The following P3H2 variants were observed in gnomAD, a reference collection of about 807,000 sequenced individuals.
P3H2 encodes the protein leprecan-like 1.
Under a neutral mutation model 87.0 loss-of-function variants are expected in P3H2, and 80 were observed. That is an observed-to-expected ratio of 0.92 (90% confidence interval 0.77 to 1.11). P3H2 has a LOEUF of 1.11. Ranked by LOEUF, P3H2 falls within the 50% of genes least tolerant of loss-of-function variation. The probability of loss-of-function intolerance (pLI) is 0.00; values close to 1 mark genes in which losing one functional copy is unlikely to be tolerated. For synonymous variants in P3H2, 367 were observed against 359.3 expected (o/e 1.02, Z -0.24); for missense variants, 1,001 against 923.9 (o/e 1.08, Z -1.08).
At chr3:189,965,815 G>A (rs557559020) in intron 13 of P3H2, among the ~76,000 whole-genome samples, 2 of 151,764 alleles carry the variant, frequency 1.3e-5, no homozygotes, top group Admixed American at 6.6e-5. Context: ...GTGAAACCCC[G>A]TCTCTACTAA....
intron 1 of P3H2, among the ~76,000 whole-genome samples, chr3:190,033,360 T>C (rs907867055): frequency 6.6e-5 from 10 of 152,220 alleles, no homozygotes; most frequent in African/African-American, 2.2e-4. Context: ...CCAGAATATA[T>C]ACCTTTATTA....
chr3:189,969,941 G>T, intron 13 of P3H2: 1 of 732,346 alleles, frequency 1.4e-6, no homozygotes, highest in Non-Finnish European at 2.5e-6. Flanking sequence ...GGCAGCAGTC[G>T]AAAATATATT....
chr3:189,991,456 C>T (rs916605302), intron 3 of P3H2, among the ~76,000 whole-genome samples: 1 of 152,056 alleles, frequency 6.6e-6, no homozygotes, highest in Non-Finnish European at 1.5e-5. Flanking sequence ...CATTTTAATC[C>T]CTGCTATGAG....
At chr3:189,966,143 GAAAGAAAGAAAGAAAGAAAGAA>G (rs1722993380) in intron 13 of P3H2, among the ~76,000 whole-genome samples, 1 of 125,206 alleles carries the variant, frequency 8.0e-6, no homozygotes, top group African/African-American at 2.8e-5. Context: ...AAGAAAGAAA[GAAAGAAAGAAAGAAAGAAAGAA>G]AGAAAGAAAG....
rs1247758664 is a variant in P3H2, at chr3:190,120,766, C to G, written c.-35G>C. 4.0e-6 allele frequency: 6 copies of G among 1,512,774 alleles called. No homozygotes were observed. The highest frequency in any genetic ancestry group is 2.0e-5 in the Admixed American group (1 of 49,104). The allele number at this position is 1,512,774 out of a possible 1,614,324, so 93.7% of individuals were successfully genotyped here. A position where few individuals can be genotyped will look rare whatever the true frequency, so the allele number is the denominator to read the frequency against. On this transcript the variant is annotated 5_prime_UTR_variant, in exon 1 of 15. Coordinates refer to ENST00000319332, the MANE Select transcript of P3H2 (RefSeq NM_018192.4). ...CAGAGAGGCGCGGGACGGTTACGCT[C>G]GAGAGGGCTTCGGGGCACCTCGCGT...
intron 1 of P3H2, among the ~76,000 whole-genome samples, chr3:190,043,360 A>G (rs1215506012): frequency 2.6e-5 from 4 of 152,192 alleles, no homozygotes; most frequent in Admixed American, 2.0e-4. Context: ...TGATGAATGG[A>G]GATGATGAGG....
At chr3:190,083,483 C>G (rs1285719001) in intron 1 of P3H2, among the ~76,000 whole-genome samples, 1 of 152,110 alleles carries the variant, frequency 6.6e-6, no homozygotes, top group Non-Finnish European at 1.5e-5. Context: ...AGGATCAAAC[C>G]ATTTTCAAAG....
rs557355851 is a variant in P3H2 at position 190,023,072 on chromosome 3, C to T, written c.481-27630G>A. ...CGATCTCCTGACCTCACGATCCGCC[C>T]GCCTTGGCCTCCCAAAGTGCTGGGA... On this transcript the variant is annotated intron_variant, in intron 1 of 14. Transcript: ENST00000319332. 9.2e-5 allele frequency among the ~76,000 whole-genome samples: 14 copies of T among 152,146 alleles called. No individual in the cohort carries two copies. In the South Asian group the frequency reaches 1.0e-3, roughly 11 times the overall value.
intron 1 of P3H2, among the ~76,000 whole-genome samples, chr3:190,041,062 ACACACACACACACACACACTCT>A (rs1462010102): frequency 2.2e-5 from 1 of 46,112 alleles, no homozygotes; most frequent in African/African-American, 1.2e-4. Context: ...ACACACACAC[ACACACACACACACACACACTCT>A]CTCTCTCTAT....
chr3:190,045,894 GGC>G (rs1725783929), intron 1 of P3H2, among the ~76,000 whole-genome samples: 2 of 152,218 alleles, frequency 1.3e-5, no homozygotes, highest in Admixed American at 1.3e-4. Flanking sequence ...GGCCAAGGTG[GGC>G]AGATCACGAG....
intron 1 of P3H2, among the ~76,000 whole-genome samples, chr3:190,114,189 ATTT>A (rs199617611): frequency 0.13 from 18,613 of 137,944 alleles, 1,387 homozygotes; most frequent in Middle Eastern, 0.21. Context: ...TATTATTATT[ATTT>A]TTTTTTTTTG....
chr3:190,013,925 A>AT lies in P3H2; in HGVS notation c.481-18484dup, dbSNP rs66723928. ...ATCAGTAAATGTTAGCTTTGATCTT[A>AT]TTTTTTTTTAAGTAGGAAAAAAGTA... is the stretch of plus-strand genomic sequence containing the variant. On this transcript the variant is annotated intron_variant, in intron 1 of 14. Coordinates refer to ENST00000319332, the MANE Select transcript of P3H2 (RefSeq NM_018192.4). Among the ~76,000 whole-genome samples the AT allele has an allele frequency of 9.1e-3, 1,384 of 151,584 alleles. 28 individuals carry two copies. The highest frequency in any genetic ancestry group is 0.031 in the African/African-American group (1,293 of 41,322).
intron 1 of P3H2, among the ~76,000 whole-genome samples, chr3:190,025,303 C>T (rs946713781): frequency 2.0e-5 from 3 of 151,932 alleles, no homozygotes; most frequent in South Asian, 4.2e-4. Context: ...TTTTCTCTTT[C>T]GCAGGCTAAA....
intron 1 of P3H2, among the ~76,000 whole-genome samples, chr3:190,007,413 T>G (rs1399333312): frequency 6.6e-6 from 1 of 152,108 alleles, no homozygotes; most frequent in African/African-American, 2.4e-5. Flanking sequence ...TTGGAGAAAT[T>G]TTTCATTTCA....
chr3:190,057,437 C>T (rs1396399565), intron 1 of P3H2, among the ~76,000 whole-genome samples: 1 of 152,156 alleles, frequency 6.6e-6, no homozygotes. Flanking sequence ...CTAATCATGT[C>T]TGGAATGAAA....
intron 1 of P3H2, among the ~76,000 whole-genome samples, chr3:190,015,648 T>C (rs1054542512): frequency 1.3e-5 from 2 of 152,128 alleles, no homozygotes; most frequent in Non-Finnish European, 2.9e-5. Context: ...ATTTCTGATT[T>C]TCCCAAGCTG....
chr3:189,990,981 A>G (rs1193254775), intron 3 of P3H2, among the ~76,000 whole-genome samples: 1 of 152,186 alleles, frequency 6.6e-6, no homozygotes, highest in Non-Finnish European at 1.5e-5. Context: ...ACATTGGCCA[A>G]AACTGTTCAG....
chr3:190,093,163 G>A (rs944098036), intron 1 of P3H2, among the ~76,000 whole-genome samples: 1 of 152,158 alleles, frequency 6.6e-6, no homozygotes, highest in Admixed American at 6.5e-5. Context: ...ATAGAAAATT[G>A]ATAAACAACT....
At chr3:189,971,759 A>G in intron 12 of P3H2, 131 bp downstream of exon 12, 1 of 711,072 alleles carries the variant, frequency 1.4e-6, no homozygotes, top group South Asian at 1.5e-5. Flanking sequence ...CAGCTACTTC[A>G]GAAGATTATT....
Sources: allele counts gnomAD v4.1 joint callset (sites outside exome capture counted in the v4.1 genomes callset), GRCh38; gene constraint gnomAD v4.1.1; transcripts MANE v1.5; gene names NCBI Gene and HGNC (gene_info 2026-07-23, HGNC 2026-07-21).